Variants in GRIA2 observed in about 807,000 individuals in gnomAD.
GRIA2 encodes glutamate receptor 2.
A neutral mutation model predicts 97.3 loss-of-function variants in GRIA2; 14 were observed. The observed-to-expected ratio is 0.14, with a 90% confidence interval of 0.10 to 0.23. The LOEUF is 0.23. Among genes scored for constraint, GRIA2 ranks in the 10% least tolerant of loss-of-function variants. The pLI is 1.00. For synonymous variants in GRIA2, 412 were observed against 387.8 expected (o/e 1.06, Z -0.73); for missense variants, 558 against 1,069.8 (o/e 0.52, Z 6.67).
At position 157,303,715 on chromosome 4, in the gene GRIA2, C is replaced by A; in HGVS notation, c.393C>A (p.Asp131Glu). Residue 131 changes from aspartate to glutamate, a missense_variant, in exon 3 of 16, where the codon GAC becomes GAA. Around this residue, in one of 8 missense-constraint regions of GRIA2, gnomAD observed 96 missense variants for 176.6 expected, o/e 0.54. Transcript: ENST00000264426. Reference protein sequence around the residue: ...THPFVIQMRPDLKGALLSLIE... With the variant: ...THPFVIQMRPELKGALLSLIE... ...CATTTGTCATTCAGATGAGACCCGA[C>A]CTCAAAGGAGCTCTCCTTAGCTTGA... 4 of 1,613,964 alleles carry A rather than the reference C, an allele frequency of 2.5e-6. No individual in the cohort carries two copies. In the South Asian group the frequency reaches 4.4e-5, roughly 18 times the overall value.
intron 2 of GRIA2, among the ~76,000 whole-genome samples, chr4:157,261,101 T>G (rs1402820489): frequency 6.6e-6 from 1 of 152,014 alleles, no homozygotes; most frequent in East Asian, 1.9e-4. Context: ...AGGGAAGAGG[T>G]TTAATGGATT....
chr4:157,272,380 C>A (rs1222925431), intron 2 of GRIA2, among the ~76,000 whole-genome samples: 3 of 151,952 alleles, frequency 2.0e-5, no homozygotes, highest in Non-Finnish European at 2.9e-5. Flanking sequence ...ACTGGAGAGA[C>A]ACACAGGCAG....
chr4:157,355,335 C>A (rs1041994716), intron 12 of GRIA2, among the ~76,000 whole-genome samples: 4 of 151,874 alleles, frequency 2.6e-5, no homozygotes, highest in Admixed American at 6.6e-5. Context: ...CAAGACCAGC[C>A]TGGCCAACAT....
At chr4:157,310,464 C>T (rs142786408) in intron 3 of GRIA2, among the ~76,000 whole-genome samples, 206 of 151,908 alleles carry the variant, frequency 1.4e-3, no homozygotes, top group African/African-American at 4.9e-3. Flanking sequence ...TAAAGATTCC[C>T]AAACACTCTT....
rs1736734063 is a variant in GRIA2, at chr4:157,363,525, C to T, written c.*94C>T. On this transcript the variant is annotated 3_prime_UTR_variant, in exon 16 of 16. Transcript: ENST00000264426. ...TGGACGTGTTATGACTCCAGAATTT[C>T]CCAAAGCAGTGCATGCTGTCCCTTA... 3 of 1,238,062 alleles carry T rather than the reference C, an allele frequency of 2.4e-6. No individual in the cohort carries two copies. In the African/African-American group the frequency reaches 4.7e-5, roughly 19 times the overall value. 76.7% of individuals were successfully genotyped at this position (1,238,062 alleles called of 1,614,324 possible). A position where few individuals can be genotyped will look rare whatever the true frequency, so the allele number is the denominator to read the frequency against.
intron 12 of GRIA2, among the ~76,000 whole-genome samples, chr4:157,351,526 C>T (rs768740564): frequency 6.6e-6 from 1 of 152,102 alleles, no homozygotes; most frequent in African/African-American, 2.4e-5. Flanking sequence ...ACTTTAAAGT[C>T]ATTGTTTTTT....
intron 6 of GRIA2, among the ~76,000 whole-genome samples, chr4:157,330,433 T>C (rs995524039): frequency 6.6e-6 from 1 of 151,922 alleles, no homozygotes; most frequent in Non-Finnish European, 1.5e-5. Flanking sequence ...AGATACTATG[T>C]TTAGAAAAAG....
intron 12 of GRIA2, chr4:157,342,458 C>T: frequency 1.0e-6 from 1 of 984,214 alleles, no homozygotes; most frequent in South Asian, 4.7e-5. Context: ...AGTCCAGGAC[C>T]TTGATGAATT....
chr4:157,318,759 C>A (rs755471320), intron 5 of GRIA2, among the ~76,000 whole-genome samples: 7 of 151,994 alleles, frequency 4.6e-5, no homozygotes, highest in Non-Finnish European at 7.4e-5. Flanking sequence ...CCCTGTCTCA[C>A]CCAAGAACAA....
At chr4:157,247,435 A>G (rs1039204673) in intron 2 of GRIA2, among the ~76,000 whole-genome samples, 8 of 152,166 alleles carry the variant, frequency 5.3e-5, no homozygotes, top group Non-Finnish European at 5.9e-5. Context: ...TGACTCTTCA[A>G]TTGGTAAGGT....
chr4:157,236,686 A>G (rs1252569209), intron 2 of GRIA2, among the ~76,000 whole-genome samples: 2 of 152,130 alleles, frequency 1.3e-5, no homozygotes, highest in East Asian at 3.9e-4. Flanking sequence ...GTTTCTGCCT[A>G]ATATCACAAG....
chr4:157,281,992 A>G (rs1732627246), intron 2 of GRIA2, among the ~76,000 whole-genome samples: 1 of 152,132 alleles, frequency 6.6e-6, no homozygotes, highest in African/African-American at 2.4e-5. Flanking sequence ...CAGGTTCACT[A>G]AGTACATTTC....
chr4:157,221,258 A>G, intron 1 of GRIA2, 128 bp downstream of exon 1: 1 of 676,172 alleles, frequency 1.5e-6, no homozygotes, highest in Non-Finnish European at 2.7e-6. Context: ...GATTTAAACT[A>G]CCTAGAATAT....
intron 2 of GRIA2, among the ~76,000 whole-genome samples, chr4:157,223,207 C>G (rs971803561): frequency 6.6e-5 from 10 of 152,180 alleles, no homozygotes; most frequent in Non-Finnish European, 1.2e-4. Context: ...ATCATCAACT[C>G]TTGCAACTAC....
intron 2 of GRIA2, among the ~76,000 whole-genome samples, chr4:157,287,129 A>T (rs544664768): frequency 2.0e-5 from 3 of 151,646 alleles, no homozygotes; most frequent in African/African-American, 4.8e-5. Context: ...TCAGTAAAAC[A>T]TCTATTTTAA....
intron 2 of GRIA2, among the ~76,000 whole-genome samples, chr4:157,254,211 A>G (rs775550383): frequency 9.9e-5 from 15 of 152,074 alleles, no homozygotes; most frequent in Non-Finnish European, 1.9e-4. Context: ...CAATTAGATA[A>G]TTATCTGGAA....
At chr4:157,233,190 CAAAAT>C (rs1351305740) in intron 2 of GRIA2, among the ~76,000 whole-genome samples, 1 of 152,084 alleles carries the variant, frequency 6.6e-6, no homozygotes, top group African/African-American at 2.4e-5. Context: ...AAGAGACTAA[CAAAAT>C]AAATCACATA....
intron 2 of GRIA2, among the ~76,000 whole-genome samples, chr4:157,265,266 T>C (rs544513418): frequency 2.0e-5 from 3 of 152,260 alleles, no homozygotes; most frequent in Non-Finnish European, 4.4e-5. Flanking sequence ...CAAGATGGAA[T>C]ATAAACATTT....
intron 2 of GRIA2, among the ~76,000 whole-genome samples, chr4:157,235,968 T>C: frequency 6.6e-6 from 1 of 152,160 alleles, no homozygotes; most frequent in East Asian, 1.9e-4. Context: ...TAAGAGACAC[T>C]AACACCTTGC....
Sources: allele counts gnomAD v4.1 joint callset (sites outside exome capture counted in the v4.1 genomes callset), GRCh38; gene constraint gnomAD v4.1.1; regional missense constraint gnomAD v4.1.1; transcripts MANE v1.5; gene names NCBI Gene and HGNC (gene_info 2026-07-23, HGNC 2026-07-21).